The following PLCL1 variants were observed in gnomAD, a reference collection of about 807,000 sequenced individuals.
PLCL1 encodes the protein phospholipase C like 1 (inactive).
In PLCL1, 41 loss-of-function variants were observed where a neutral mutation model predicts 84.4. The ratio of observed to expected loss-of-function variants is 0.49; its 90% CI spans 0.38 to 0.63. The LOEUF is 0.63. PLCL1 is among the 30% of genes least tolerant of loss of function. PLCL1 has a pLI of 0.00. For synonymous variants in PLCL1, 490 were observed against 488.3 expected, an observed-to-expected ratio of 1.00 and a Z score of -0.05; for missense variants, 1,206 against 1,367.8, an observed-to-expected ratio of 0.88 and a Z score of 1.87.
intron 1 of PLCL1, among the ~76,000 whole-genome samples, chr2:197,841,003 T>G (rs1686990319): frequency 6.6e-6 from 1 of 152,170 alleles, no homozygotes; most frequent in South Asian, 2.1e-4. Context: ...AGGGCTAACT[T>G]TTTTTTAAGT....
At chr2:197,882,928 A>G (rs1687855657) in intron 1 of PLCL1, among the ~76,000 whole-genome samples, 1 of 152,222 alleles carries the variant, frequency 6.6e-6, no homozygotes, top group Non-Finnish European at 1.5e-5. Flanking sequence ...CGTATTTTAC[A>G]GACATAATGT....
chr2:197,866,122 A>ATAATTATTTTAAAAAAAGAGAAAAAAT (rs1559029493), intron 1 of PLCL1, among the ~76,000 whole-genome samples: 1 of 41,562 alleles, frequency 2.4e-5, no homozygotes, highest in Non-Finnish European at 4.1e-5. Flanking sequence ...ATATATATAT[A>ATAATTATTTTAAAAAAAGAGAAAAAAT]AACTATATAT....
chr2:197,984,944 T>TG (rs2105807961), intron 1 of PLCL1, among the ~76,000 whole-genome samples: 1 of 151,470 alleles, frequency 6.6e-6, no homozygotes. Context: ...TATGGTTTTT[T>TG]TTTTTTTGTT....
At chr2:197,983,305 C>G (rs1320061872) in intron 1 of PLCL1, among the ~76,000 whole-genome samples, 1 of 140,122 alleles carries the variant, frequency 7.1e-6, no homozygotes, top group Non-Finnish European at 1.5e-5. Context: ...TCACAACTCA[C>G]TGCAGCCTCA....
intron 1 of PLCL1, among the ~76,000 whole-genome samples, chr2:198,003,026 G>T (rs1242409773): frequency 1.3e-5 from 2 of 151,782 alleles, no homozygotes; most frequent in Admixed American, 6.6e-5. Context: ...GCTCTCATTG[G>T]TCCCTAAGGA....
intron 5 of PLCL1, among the ~76,000 whole-genome samples, chr2:198,133,304 C>T (rs1369373554): frequency 6.9e-6 from 1 of 144,840 alleles, no homozygotes; most frequent in African/African-American, 2.6e-5. Context: ...CATATTCTCA[C>T]TCATAGGTGG....
intron 5 of PLCL1, among the ~76,000 whole-genome samples, chr2:198,118,652 T>C (rs1218345119): frequency 6.6e-6 from 1 of 152,032 alleles, no homozygotes; most frequent in African/African-American, 2.4e-5. Flanking sequence ...GTCATTTCTT[T>C]TTTGCAGCAT....
At chr2:197,893,475 A>G (rs182320105) in intron 1 of PLCL1, among the ~76,000 whole-genome samples, 3 of 152,322 alleles carry the variant, frequency 2.0e-5, no homozygotes, top group Non-Finnish European at 2.9e-5. Flanking sequence ...TTCCTATAGC[A>G]CGTTAGGGTT....
intron 1 of PLCL1, among the ~76,000 whole-genome samples, chr2:197,955,967 C>T (rs1689483392): frequency 6.6e-6 from 1 of 151,880 alleles, no homozygotes; most frequent in African/African-American, 2.4e-5. Flanking sequence ...CTCTCCCTCC[C>T]CTTGCCCCCC....
At chr2:198,008,827 A>T (rs368330574) in intron 1 of PLCL1, among the ~76,000 whole-genome samples, 1 of 152,176 alleles carries the variant, frequency 6.6e-6, no homozygotes, top group South Asian at 2.1e-4. Flanking sequence ...CCAATAATAC[A>T]CAAGGGTTCC....
intron 5 of PLCL1, among the ~76,000 whole-genome samples, chr2:198,128,334 A>T (rs1380901322): frequency 6.6e-6 from 1 of 152,122 alleles, no homozygotes; most frequent in Non-Finnish European, 1.5e-5. Context: ...CAATAGAGAA[A>T]GAATAATTCG....
chr2:197,928,820 A>C (rs370367932), intron 1 of PLCL1, among the ~76,000 whole-genome samples: 6 of 152,312 alleles, frequency 3.9e-5, no homozygotes, highest in African/African-American at 1.4e-4. Flanking sequence ...TAAATGAAGC[A>C]ACAGAATCGA....
chr2:198,087,274 A>G (rs949531838), intron 2 of PLCL1, among the ~76,000 whole-genome samples: 3 of 152,146 alleles, frequency 2.0e-5, no homozygotes, highest in African/African-American at 7.2e-5. Context: ...GTATATGGAA[A>G]TTGACTAGCC....
At chr2:198,040,759 G>C (rs1173095965) in intron 1 of PLCL1, among the ~76,000 whole-genome samples, 3 of 152,154 alleles carry the variant, frequency 2.0e-5, no homozygotes, top group Admixed American at 2.0e-4. Flanking sequence ...ATACATTTTA[G>C]GTTGGCTAAG....
At chr2:197,843,036 CA>C (rs778538565) in intron 1 of PLCL1, among the ~76,000 whole-genome samples, 1 of 152,150 alleles carries the variant, frequency 6.6e-6, no homozygotes, top group Non-Finnish European at 1.5e-5. Context: ...CCTCTCCTGC[CA>C]AACTGTACTG....
intron 5 of PLCL1, among the ~76,000 whole-genome samples, chr2:198,120,347 T>C (rs1471224283): frequency 2.0e-5 from 3 of 152,050 alleles, no homozygotes; most frequent in Non-Finnish European, 4.4e-5. Flanking sequence ...CTTTTAGTTA[T>C]TTTTAAATAT....
intron 2 of PLCL1, among the ~76,000 whole-genome samples, chr2:198,088,245 A>C (rs1005793097): frequency 6.6e-6 from 1 of 152,248 alleles, no homozygotes; most frequent in African/African-American, 2.4e-5. Context: ...GAGTCTAATC[A>C]GAAGAAAAAT....
Position 198,084,039 on chromosome 2 carries a change from A to T in PLCL1, c.522A>T (p.Thr174=), listed in dbSNP as rs1281852404. The change falls in exon 2 of 6, where the codon ACA becomes ACT. Residue 174 remains threonine (T), a synonymous_variant. Coordinates refer to ENST00000428675, the MANE Select transcript of PLCL1 (RefSeq NM_006226.4). ...KEIRLGKNTE[T]FRNNGLADQI... is the part of the protein sequence containing the mutation. ...TCAGACTGGGGAAAAACACGGAAAC[A>T]TTTAGAAACAATGGCCTTGCTGACC... 22 of 1,614,070 alleles carry T rather than the reference A, an allele frequency of 1.4e-5. No homozygotes were observed. The highest frequency in any genetic ancestry group is 1.8e-5 in the Non-Finnish European group (21 of 1,180,022).
intron 1 of PLCL1, among the ~76,000 whole-genome samples, chr2:197,843,802 T>C (rs145786188): frequency 6.6e-6 from 1 of 152,202 alleles, no homozygotes; most frequent in Non-Finnish European, 1.5e-5. Flanking sequence ...AGAAACTTAC[T>C]CTTATTGCAA....
Sources: gnomAD v4.1 joint callset for allele counts (sites outside exome capture counted in the v4.1 genomes callset) on GRCh38, gnomAD v4.1.1 for gene constraint, MANE v1.5 for transcripts, NCBI Gene and HGNC (gene_info 2026-07-23, HGNC 2026-07-21) for gene names.